Variants in TMEM45A observed in about 807,000 individuals in gnomAD.
TMEM45A encodes the protein DNA polymerase-transactivated protein 4.
Under a neutral mutation model 32.0 loss-of-function variants are expected in TMEM45A, and 25 were observed. The ratio of observed to expected loss-of-function variants is 0.78; its 90% CI spans 0.57 to 1.09. TMEM45A has a LOEUF of 1.09. TMEM45A is among the 50% of genes least tolerant of loss of function. TMEM45A has a pLI of 0.00. For missense variants in TMEM45A, 302 were observed against 325.0 expected (o/e 0.93, Z 0.54); for synonymous variants, 122 against 114.8 (o/e 1.06, Z -0.40).
chr3:100,550,265 G>C (rs574972394), intron 1 of TMEM45A, among the ~76,000 whole-genome samples: 1 of 151,766 alleles, frequency 6.6e-6, no homozygotes, highest in East Asian at 1.9e-4. Flanking sequence ...ATTGAGGAAA[G>C]TGTGAAGGTA....
At chr3:100,515,944 C>G (rs563789912) in intron 1 of TMEM45A, among the ~76,000 whole-genome samples, 2 of 152,156 alleles carry the variant, frequency 1.3e-5, no homozygotes, top group African/African-American at 4.8e-5. Flanking sequence ...AGGTGACTAT[C>G]ATGAACAACA....
Position 100,567,831 on chromosome 3 carries a change from C to T in TMEM45A, c.589-991C>T, listed in dbSNP as rs1241762707. Among the ~76,000 whole-genome samples, 58 of 152,132 alleles carry T rather than the reference C, an allele frequency of 3.8e-4. 2 individuals carry two copies. Among genetic ancestry groups the T allele is most frequent in the Admixed American group, 3.8e-3 (58 of 15,282 alleles). The stretch of plus-strand genomic sequence containing the variant: ...ACGGAGACTTGCTCTGTCGCCCAGG[C>T]TGGAGAGCAGTGGCACAATCTCGGC... On this transcript the variant is annotated intron_variant, in intron 4 of 5. Transcript: ENST00000323523.
intron 1 of TMEM45A, among the ~76,000 whole-genome samples, chr3:100,515,178 G>C (rs1453669131): frequency 6.6e-6 from 1 of 151,830 alleles, no homozygotes; most frequent in Admixed American, 6.6e-5. Context: ...ACATGCACAC[G>C]TATGTTTATT....
chr3:100,556,925 C>T lies in TMEM45A; in HGVS notation c.356C>T (p.Pro119Leu). 1 of 1,614,172 alleles carries T rather than the reference C, an allele frequency of 6.2e-7. No individual in the cohort carries two copies. Among genetic ancestry groups the T allele is most frequent in the East Asian group, 2.2e-5 (1 of 44,888 alleles). Reference protein sequence around the residue: ...DILCFTISSLPVSLTKLMLSN... With the variant: ...DILCFTISSLLVSLTKLMLSN... ...TTATGTTTCACCATCAGTTCACTTC[C>T]TGTGTCCTTAACCAAGTTAATGTTG... Residue 119 changes from proline to leucine, a missense_variant, in exon 3 of 6, where the codon CCT becomes CTT. Physicochemically the swap from Pro to Leu is moderately conservative, Grantham distance 98. Transcript: ENST00000323523.
chr3:100,511,862 CA>C (rs1708169127), intron 1 of TMEM45A, among the ~76,000 whole-genome samples: 1 of 151,838 alleles, frequency 6.6e-6, no homozygotes, highest in African/African-American at 2.4e-5. Context: ...CAACAAAGAT[CA>C]AAAAAGACAA....
At chr3:100,527,965 A>G (rs984613579) in intron 1 of TMEM45A, among the ~76,000 whole-genome samples, 3 of 152,212 alleles carry the variant, frequency 2.0e-5, no homozygotes, top group African/African-American at 7.2e-5. Flanking sequence ...TCATTACTCA[A>G]TGGAAATCCC....
At chr3:100,529,006 A>G (rs1185661936) in intron 1 of TMEM45A, among the ~76,000 whole-genome samples, 5 of 152,218 alleles carry the variant, frequency 3.3e-5, no homozygotes. Context: ...CTGCAAATGA[A>G]GCTCCTATTT....
At chr3:100,516,151 A>C (rs1313759350) in intron 1 of TMEM45A, among the ~76,000 whole-genome samples, 1 of 152,174 alleles carries the variant, frequency 6.6e-6, no homozygotes. Context: ...AATGTTAAAA[A>C]GAGAGAGCAT....
At chr3:100,562,069 T>C (rs2148988317) in intron 4 of TMEM45A, among the ~76,000 whole-genome samples, 1 of 152,342 alleles carries the variant, frequency 6.6e-6, no homozygotes, top group Non-Finnish European at 1.5e-5. Context: ...GACTTCGTTA[T>C]AGGAAATTGG....
intron 5 of TMEM45A, among the ~76,000 whole-genome samples, chr3:100,570,415 C>T (rs1216469696): frequency 6.6e-6 from 1 of 152,252 alleles, no homozygotes; most frequent in Non-Finnish European, 1.5e-5. Context: ...TCTCAGCTAT[C>T]TCTGTTCAGC....
chr3:100,551,234 C>G (rs943457220), intron 1 of TMEM45A, among the ~76,000 whole-genome samples: 1 of 152,048 alleles, frequency 6.6e-6, no homozygotes. Flanking sequence ...AGGATGGTCT[C>G]GATCTCCTGA....
Position 100,504,615 on chromosome 3 carries a change from G to A in TMEM45A, c.-4+11687G>A, listed in dbSNP as rs73860684. Among the ~76,000 whole-genome samples, 1,306 of 152,264 alleles carry A rather than the reference G, an allele frequency of 8.6e-3. 22 individuals are homozygous for A. The highest frequency in any genetic ancestry group is 0.03 in the African/African-American group (1,240 of 41,548). Reference sequence around the variant, plus strand: ...CATCTGGCCCTGCCTGTATCCACCCGCTTTCATCTCCTCCCTTGCCCGCTG... The same window carrying A: ...CATCTGGCCCTGCCTGTATCCACCCACTTTCATCTCCTCCCTTGCCCGCTG... On this transcript the variant is annotated intron_variant, in intron 1 of 5. Coordinates refer to ENST00000323523, the MANE Select transcript of TMEM45A (RefSeq NM_018004.3).
chr3:100,569,535 C>T (rs1488199640), intron 5 of TMEM45A, among the ~76,000 whole-genome samples: 1 of 152,164 alleles, frequency 6.6e-6, no homozygotes, highest in Non-Finnish European at 1.5e-5. Context: ...ATATTTTTAG[C>T]TGCACTATTT....
intron 1 of TMEM45A, among the ~76,000 whole-genome samples, chr3:100,554,622 G>T (rs535507428): frequency 6.6e-6 from 1 of 152,132 alleles, no homozygotes; most frequent in South Asian, 2.1e-4. Context: ...AACACTAATT[G>T]TTTCTTCCAT....
At chr3:100,506,004 A>G (rs1480511232) in intron 1 of TMEM45A, among the ~76,000 whole-genome samples, 1 of 152,178 alleles carries the variant, frequency 6.6e-6, no homozygotes, top group Non-Finnish European at 1.5e-5. Flanking sequence ...GGACCCCGAT[A>G]ACTGCAGAGG....
intron 1 of TMEM45A, among the ~76,000 whole-genome samples, chr3:100,540,200 C>G (rs779096136): frequency 6.6e-6 from 1 of 151,972 alleles, no homozygotes; most frequent in Non-Finnish European, 1.5e-5. Context: ...AAAGAAAGGT[C>G]TATGTCTAGA....
At chr3:100,527,303 C>G (rs1271846095) in intron 1 of TMEM45A, among the ~76,000 whole-genome samples, 1 of 152,154 alleles carries the variant, frequency 6.6e-6, no homozygotes, top group Non-Finnish European at 1.5e-5. Flanking sequence ...AGACAAGAAA[C>G]AAAACTCCAA....
Position 100,504,372 on chromosome 3 carries a change from G to A in TMEM45A, c.-4+11444G>A, listed in dbSNP as rs567058395. 1.3e-4 allele frequency among the ~76,000 whole-genome samples: 20 copies of A among 152,254 alleles called. No homozygotes were observed. In the South Asian group the frequency reaches 3.5e-3, roughly 27 times the overall value. ...GTAGATGGTAACAGCTTGCAGACTA[G>A]GACTGGTCCACAGGGTGTGGTTGAA... On this transcript the variant is annotated intron_variant, in intron 1 of 5. Transcript: ENST00000323523.
At chr3:100,513,999 A>G (rs1234379776) in intron 1 of TMEM45A, among the ~76,000 whole-genome samples, 9 of 152,214 alleles carry the variant, frequency 5.9e-5, no homozygotes, top group African/African-American at 1.9e-4. Context: ...ATGGAAGAAC[A>G]TTCCATGTTC....
Sources: gnomAD v4.1 joint callset for allele counts (sites outside exome capture counted in the v4.1 genomes callset) on GRCh38, gnomAD v4.1.1 for gene constraint, MANE v1.5 for transcripts, NCBI Gene and HGNC (gene_info 2026-07-23, HGNC 2026-07-21) for gene names.